Variants in FAT2 observed in about 807,000 individuals in gnomAD.
FAT2 encodes protocadherin Fat 2.
FAT2 carries 150 observed loss-of-function variants against 295.3 expected under a neutral mutation model. The observed-to-expected ratio is 0.51, with a 90% confidence interval of 0.44 to 0.58. The LOEUF (loss-of-function observed/expected upper bound fraction) is 0.58, where lower values mean the gene tolerates loss of function less well. Ranked by LOEUF, FAT2 falls within the 20% of genes least tolerant of loss-of-function variation. FAT2 has a pLI of 0.00. For missense variants in FAT2, 4,868 were observed against 5,442.7 expected (o/e 0.89, Z 3.32); for synonymous variants, 2,026 against 2,150.3 (o/e 0.94, Z 1.60).
rs574764537 is a variant in FAT2 at position 151,510,497 on chromosome 5, G to A, written c.11906-323C>T. ...CTGTGTTGGCTCATTTGATCCTCAC[G>A]ATGACCCTGAGGTTGGTGACTGTCA... On this transcript the variant is annotated intron_variant, in intron 21 of 23. Coordinates refer to ENST00000261800, the MANE Select transcript of FAT2 (RefSeq NM_001447.3). 216 of 219,918 alleles carry A rather than the reference G, an allele frequency of 9.8e-4. 1 individual carries two copies. Among genetic ancestry groups the A allele is most frequent in the African/African-American group, 4.5e-3 (205 of 45,134 alleles). 13.6% of individuals were successfully genotyped at this position (219,918 alleles called of 1,614,324 possible). A position where few individuals can be genotyped will look rare whatever the true frequency, so the allele number is the denominator to read the frequency against.
At position 151,583,923 on chromosome 5, in the gene FAT2, C is replaced by T. The variant is rs546973792; in HGVS notation, c.-21+7242G>A. Among the ~76,000 whole-genome samples the T allele has an allele frequency of 3.3e-4, 43 of 131,692 alleles. No individual in the cohort carries two copies. In the South Asian group the frequency reaches 0.01, roughly 32 times the overall value. 86.4% of individuals were successfully genotyped at this position (131,692 alleles called of 152,430 possible). A position where few individuals can be genotyped will look rare whatever the true frequency, so the allele number is the denominator to read the frequency against. On this transcript the variant is annotated intron_variant, in intron 1 of 23. Transcript: ENST00000261800. ...TGAGGCACAAGAATCACTTGGGCCTCGGAGGCAGAGGTTGCAGTGAGCTGA... is the reference window on the plus strand; with the variant it reads ...TGAGGCACAAGAATCACTTGGGCCTTGGAGGCAGAGGTTGCAGTGAGCTGA...
At chr5:151,580,847 G>T (rs1048742315) in intron 1 of FAT2, among the ~76,000 whole-genome samples, 1 of 152,216 alleles carries the variant, frequency 6.6e-6, no homozygotes, top group African/African-American at 2.4e-5. Context: ...CCACTGACAT[G>T]TTGGGGTGAC....
intron 1 of FAT2, among the ~76,000 whole-genome samples, chr5:151,570,704 C>T (rs1027973026): frequency 8.5e-5 from 13 of 152,194 alleles, no homozygotes; most frequent in African/African-American, 4.8e-5. Context: ...TTCATGGCTG[C>T]CAGCCAGATG....
rs767752889 is a variant in FAT2, at chr5:151,551,420, C to G, written c.4296+47G>C. 9 of 1,596,308 alleles carry G rather than the reference C, an allele frequency of 5.6e-6. No homozygotes were observed. In the South Asian group the frequency reaches 7.9e-5, roughly 14 times the overall value. On this transcript the variant is annotated intron_variant, in intron 7 of 23. Coordinates refer to ENST00000261800, the MANE Select transcript of FAT2 (RefSeq NM_001447.3). The stretch of plus-strand genomic sequence containing the variant: ...TGTAGCCTCATCCCAACCAAGAAGG[C>G]CTTCCATCTCCTCTCAATACAGGGG...
intron 12 of FAT2, 36 bp downstream of exon 12, chr5:151,537,757 A>G (rs760214606): frequency 6.3e-7 from 1 of 1,587,242 alleles, no homozygotes. Context: ...TCAGTAAAGA[A>G]GTTCTTGTTT....
chr5:151,518,372 A>AT (rs372156100), intron 19 of FAT2, among the ~76,000 whole-genome samples: 10,089 of 148,666 alleles, frequency 0.068, 435 homozygotes, highest in East Asian at 0.15. Context: ...AATAATAATA[A>AT]TAATTTTTAA....
rs145491504 is a variant in FAT2 at position 151,566,275 on chromosome 5, T to C, written c.2657A>G (p.Glu886Gly). 3 of 1,614,022 alleles carry C rather than the reference T, an allele frequency of 1.9e-6. No homozygotes were observed. The highest frequency in any genetic ancestry group is 1.3e-5 in the African/African-American group (1 of 74,920). ...CTCCACCTTGAGTATGTACCGAGGC[T>C]CTGATTCGCGGTCCAGGTGTCCTGT... ...VVTGHLDRESEPRYILKVEAR... is the reference protein window; with the variant it reads ...VVTGHLDRESGPRYILKVEAR... Residue 886 changes from glutamate to glycine, a missense_variant, in exon 2 of 24, where the codon GAG (glutamate) becomes GGG (glycine). Transcript: ENST00000261800.
At chr5:151,577,541 A>C (rs907560938) in intron 1 of FAT2, among the ~76,000 whole-genome samples, 1 of 152,186 alleles carries the variant, frequency 6.6e-6, no homozygotes, top group African/African-American at 2.4e-5. Flanking sequence ...ATGTGGGGCA[A>C]GGGGTAGAGC....
upstream of FAT2, among the ~76,000 whole-genome samples, chr5:151,592,144 T>G (rs1292918379): frequency 6.6e-6 from 1 of 152,240 alleles, no homozygotes; most frequent in Admixed American, 6.5e-5. Context: ...GAGGTGCCTC[T>G]CTGTTCTGGC....
chr5:151,542,886 C>G lies in FAT2; in HGVS notation c.8241G>C (p.Gly2747=), dbSNP rs1411779269. Residue 2747 remains glycine (G), a synonymous_variant, in exon 10 of 24, where the codon GGG becomes GGC. Transcript: ENST00000261800. Reference sequence around the variant, plus strand: ...CCATGGGCTTCCTCACCTTTATGACCCCTGTGTCTGGGTCTAGGGAGAAGA... The same window carrying G: ...CCATGGGCTTCCTCACCTTTATGACGCCTGTGTCTGGGTCTAGGGAGAAGA... ...DGVFSLDPDT[G]VIKVRKPMDH... 6.2e-7 allele frequency: 1 copy of G among 1,614,014 alleles called. No individual in the cohort carries two copies. The highest frequency in any genetic ancestry group is 1.7e-5 in the Admixed American group (1 of 60,006).
chr5:151,568,208 G>A lies in FAT2; in HGVS notation c.724C>T (p.Leu242Phe), dbSNP rs771474220. 2.5e-6 allele frequency: 4 copies of A among 1,613,842 alleles called. No individual in the cohort carries two copies. Among genetic ancestry groups the A allele is most frequent in the African/African-American group, 1.3e-5 (1 of 74,918 alleles). The change falls in exon 2 of 24, where the codon CTT becomes TTT. Residue 242 changes from leucine to phenylalanine, a missense_variant. This residue lies in a region of FAT2 where 3,297 missense variants were observed against 3,669.4 expected (regional missense o/e 0.90). Coordinates refer to ENST00000261800, the MANE Select transcript of FAT2 (RefSeq NM_001447.3). ...AGGGCAGGCTCCACATGAACCACAA[G>A]TGCAGCCAGGCTGCCAAACCCATTG... ...EGNGFGSLAA[L>F]VVHVEPALRK...
rs2127584625 is a variant in FAT2 at position 151,525,926 on chromosome 5, G to A, written c.10348C>T (p.Leu3450=). 1.2e-6 allele frequency: 2 copies of A among 1,614,198 alleles called. No individual in the cohort carries two copies. Among genetic ancestry groups the A allele is most frequent in the Non-Finnish European group, 1.7e-6 (2 of 1,180,038 alleles). Residue 3450 remains leucine (L), a synonymous_variant, in exon 18 of 24, where the codon CTG becomes TTG. Transcript: ENST00000261800. ...TTCTCTGGAGAATCTGGGTCACTCA[G>A]GATCAGCTGCAGGACTTTGCTGCCA... is the stretch of plus-strand genomic sequence containing the variant. ...PIGSKVLQLI[L]SDPDSPENGP...
Position 151,543,179 on chromosome 5 carries a change from C to T in FAT2, c.7948G>A (p.Val2650Met). The change falls in exon 10 of 24, where the codon GTG (valine) becomes ATG (methionine). Residue 2650 changes from valine to methionine, a missense_variant. Around this residue, in one of 5 missense-constraint regions of FAT2, gnomAD observed 3,297 missense variants for 3,669.4 expected, o/e 0.90. Transcript: ENST00000261800. ...TGVVKVKDSL[V>M]GLENQTLDFF... ...TCAAGGGTCTGATTTTCCAATCCCA[C>T]CAGGCTGTCTTTCACCTTGACCACA... 1 of 1,614,180 alleles carries T rather than the reference C, an allele frequency of 6.2e-7. No individual in the cohort carries two copies.
Position 151,542,781 on chromosome 5 carries a change from A to C in FAT2, c.8346T>G (p.Ser2782=), listed in dbSNP as rs766996647. ...LQNTDVVSLV[S]VNIQVGDVND... ...TGACGTCTCCCACTTGGATGTTGAC[A>C]GAGACCAAGGACACCACATCAGTGT... Residue 2782 remains serine, a synonymous_variant, in exon 10 of 24, where the codon TCT becomes TCG. Coordinates refer to ENST00000261800, the MANE Select transcript of FAT2 (RefSeq NM_001447.3). 6.2e-7 allele frequency: 1 copy of C among 1,614,250 alleles called. No homozygotes were observed. Among genetic ancestry groups the C allele is most frequent in the Non-Finnish European group, 8.5e-7 (1 of 1,180,044 alleles).
chr5:151,528,078 A>C lies in FAT2; in HGVS notation c.10082T>G (p.Ile3361Arg), dbSNP rs1407015794. Residue 3361 changes from isoleucine (I) to arginine (R), a missense_variant, in exon 16 of 24, where the codon ATA becomes AGA. Around this residue, in one of 5 missense-constraint regions of FAT2, gnomAD observed 1,046 missense variants for 1,210.1 expected, o/e 0.86. Coordinates refer to ENST00000261800, the MANE Select transcript of FAT2 (RefSeq NM_001447.3). ...GAAGTGCCCAAGCTGGTTCCCTCCT[A>C]TGAGGCTATAGGTAATGTCACTATT... is the stretch of plus-strand genomic sequence containing the variant. ...PLNSDITYSLIGGNQLGHFTI... is the reference protein window; with the variant it reads ...PLNSDITYSLRGGNQLGHFTI... 5.6e-6 allele frequency: 9 copies of C among 1,614,088 alleles called. No individual in the cohort carries two copies. The South Asian group carries it at 7.7e-5, about 14-fold the overall frequency.
chr5:151,593,245 C>T (rs938547601), upstream of FAT2, among the ~76,000 whole-genome samples: 4 of 152,232 alleles, frequency 2.6e-5, no homozygotes, highest in Non-Finnish European at 5.9e-5. Context: ...GGAAGGGTGG[C>T]GGGGCAGCCC....
upstream of FAT2, among the ~76,000 whole-genome samples, chr5:151,592,674 A>G (rs1368454552): frequency 2.0e-5 from 3 of 152,170 alleles, no homozygotes; most frequent in Non-Finnish European, 2.9e-5. Context: ...AATGACTTAA[A>G]TTTGTTAAGT....
At chr5:151,539,071 C>G (rs1321282126) in intron 11 of FAT2, among the ~76,000 whole-genome samples, 2 of 152,068 alleles carry the variant, frequency 1.3e-5, no homozygotes, top group Non-Finnish European at 2.9e-5. Context: ...CTGATCTCAG[C>G]CTCTCCAAGC....
rs61743252 is a variant in FAT2, at chr5:151,521,510, C to T, written c.11083G>A (p.Glu3695Lys). 31 of 1,614,214 alleles carry T rather than the reference C, an allele frequency of 1.9e-5. No homozygotes were observed. In the African/African-American group the frequency reaches 2.0e-4, roughly 10 times the overall value. The change falls in exon 19 of 24, where the codon GAG becomes AAG. Residue 3695 changes from glutamate (E) to lysine (K), a missense_variant. Transcript: ENST00000261800. Reference protein sequence around the residue: ...VFEGHSGTFYEFQELASIITH... With the variant: ...VFEGHSGTFYKFQELASIITH... ...ATGATGGATGCTAGCTCCTGAAACTCGTAGAAGGTTCCAGAATGCCCCTCA... is the reference window on the plus strand; with the variant it reads ...ATGATGGATGCTAGCTCCTGAAACTTGTAGAAGGTTCCAGAATGCCCCTCA...
Sources: gnomAD v4.1 joint callset for allele counts (sites outside exome capture counted in the v4.1 genomes callset) on GRCh38, gnomAD v4.1.1 for gene constraint, gnomAD v4.1.1 regional missense constraint, MANE v1.5 for transcripts, NCBI Gene and HGNC (gene_info 2026-07-23, HGNC 2026-07-21) for gene names.